The following MYO7A variants were observed in gnomAD, a reference collection of about 807,000 sequenced individuals.
The protein encoded by MYO7A is unconventional myosin-VIIa.
Under a neutral mutation model 263.8 loss-of-function variants are expected in MYO7A, and 210 were observed. The ratio of observed to expected loss-of-function variants is 0.80; its 90% CI spans 0.71 to 0.89. The LOEUF (loss-of-function observed/expected upper bound fraction) is 0.89, where lower values mean the gene tolerates loss of function less well. Ranked by LOEUF, MYO7A falls within the 40% of genes least tolerant of loss-of-function variation. MYO7A has a pLI of 0.00. For synonymous variants in MYO7A, 1,239 were observed against 1,197.3 expected (o/e 1.03, Z -0.72); for missense variants, 2,820 against 2,968.3 (o/e 0.95, Z 1.16).
intron 4 of MYO7A, among the ~76,000 whole-genome samples, chr11:77,155,431 A>G (rs1244092324): frequency 6.6e-6 from 1 of 151,924 alleles, no homozygotes; most frequent in Non-Finnish European, 1.5e-5. Context: ...TCAGCTCTTT[A>G]TGGCTAATTT....
rs1955520857 is a variant in MYO7A at position 77,184,595 on chromosome 11, A to C, written c.3383A>C (p.Lys1128Thr). Residue 1128 changes from lysine to threonine, a missense_variant, in exon 27 of 49, where the codon AAG (lysine) becomes ACG (threonine). Coordinates refer to ENST00000409709, the MANE Select transcript of MYO7A (RefSeq NM_000260.4). ...CCTCTCCCTCTGGCCCAGGTGACCA[A>C]GAGGCTGCATGACGGGGAGTCCACA... is the stretch of plus-strand genomic sequence containing the variant. Reference protein sequence around the residue: ...KKSKLTEEVTKRLHDGESTVQ... With the variant: ...KKSKLTEEVTTRLHDGESTVQ... The C allele has an allele frequency of 1.3e-6, 2 of 1,563,850 alleles. No individual in the cohort carries two copies. The highest frequency in any genetic ancestry group is 1.7e-6 in the Non-Finnish European group (2 of 1,153,854).
chr11:77,181,610 G>T lies in MYO7A; in HGVS notation c.2904+21G>T, dbSNP rs782576323. 4.7e-5 allele frequency: 75 copies of T among 1,606,298 alleles called. 1 individual carries two copies. In the East Asian group the frequency reaches 1.7e-3, roughly 35 times the overall value. On this transcript the variant is annotated intron_variant, in intron 23 of 48. Coordinates refer to ENST00000409709, the MANE Select transcript of MYO7A (RefSeq NM_000260.4). ...TTGAGGTACCAGGCTAGGGACAGGG[G>T]CTCCAGAGGCCCACACACACCGCTT...
At chr11:77,184,307 G>A (rs1955498629) in intron 26 of MYO7A, among the ~76,000 whole-genome samples, 1 of 152,170 alleles carries the variant, frequency 6.6e-6, no homozygotes, top group African/African-American at 2.4e-5. Context: ...GACCTCCCTG[G>A]GGTGGGGTGT....
intron 35 of MYO7A, among the ~76,000 whole-genome samples, chr11:77,200,023 C>A (rs1383828533): frequency 6.6e-6 from 1 of 152,150 alleles, no homozygotes; most frequent in East Asian, 1.9e-4. Flanking sequence ...AATCCCAGAG[C>A]TTTGGGAGGC....
intron 12 of MYO7A, 45 bp downstream of exon 12, chr11:77,161,160 G>A (rs782045158): frequency 1.9e-6 from 3 of 1,609,262 alleles, no homozygotes; most frequent in Non-Finnish European, 2.6e-6. Flanking sequence ...TCCCCAATAT[G>A]GAAATAAGAA....
chr11:77,212,755 G>A (rs1957963536), intron 46 of MYO7A, 197 bp from the exon 47 acceptor site: 1 of 608,810 alleles, frequency 1.6e-6, no homozygotes, highest in African/African-American at 1.8e-5. Context: ...GATGGCCTGG[G>A]GGACCCAGGA....
intron 41 of MYO7A, 66 bp from the exon 42 acceptor site, chr11:77,207,223 G>C: frequency 8.5e-7 from 1 of 1,178,768 alleles, no homozygotes. Context: ...CATAGCCAGA[G>C]GGGCCCGGGA....
intron 18 of MYO7A, 23 bp from the exon 19 acceptor site, chr11:77,177,526 T>A (rs782475347): frequency 8.2e-6 from 13 of 1,592,312 alleles, no homozygotes; most frequent in East Asian, 2.3e-5. Flanking sequence ...TGTGGGGCGC[T>A]GCTCAGGAGC....
chr11:77,183,155 G>C lies in MYO7A; in HGVS notation c.3373G>C (p.Glu1125Gln). 1 of 1,551,712 alleles carries C rather than the reference G, an allele frequency of 6.4e-7. No homozygotes were observed. The highest frequency in any genetic ancestry group is 8.7e-7 in the Non-Finnish European group (1 of 1,147,390). Residue 1125 changes from glutamate (E) to glutamine (Q), a missense_variant and splice_region_variant, in exon 26 of 49, where the codon GAG (glutamate) becomes CAG (glutamine). Coordinates refer to ENST00000409709, the MANE Select transcript of MYO7A (RefSeq NM_000260.4). Reference sequence around the variant, plus strand: ...GAAAAAGAAGTCCAAGCTCACAGAGGAGGTGAGGGCAGACGCTGGGGGTCT... The same window carrying C: ...GAAAAAGAAGTCCAAGCTCACAGAGCAGGTGAGGGCAGACGCTGGGGGTCT... Reference protein sequence around the residue: ...TLKKKSKLTEEVTKRLHDGES... With the variant: ...TLKKKSKLTEQVTKRLHDGES...
chr11:77,210,504 T>A (rs1295267999), intron 44 of MYO7A, among the ~76,000 whole-genome samples: 4 of 152,166 alleles, frequency 2.6e-5, no homozygotes, highest in African/African-American at 9.7e-5. Context: ...GTAGGATGGA[T>A]AATGATTGAC....
At chr11:77,154,074 C>G (rs1952216916) in intron 4 of MYO7A, among the ~76,000 whole-genome samples, 1 of 152,182 alleles carries the variant, frequency 6.6e-6, no homozygotes, top group African/African-American at 2.4e-5. Context: ...GAGATTGAGC[C>G]ACTGCACCCA....
intron 4 of MYO7A, among the ~76,000 whole-genome samples, chr11:77,149,258 G>T (rs1350802960): frequency 6.6e-6 from 1 of 152,162 alleles, no homozygotes; most frequent in Non-Finnish European, 1.5e-5. Context: ...GGGCTGGCCT[G>T]ATTATCTCGA....
At chr11:77,199,177 A>C (rs977666098) in intron 34 of MYO7A, among the ~76,000 whole-genome samples, 9 of 152,164 alleles carry the variant, frequency 5.9e-5, no homozygotes, top group Non-Finnish European at 1.3e-4. Flanking sequence ...TCCAGCACTG[A>C]CCAGACACAT....
intron 1 of MYO7A, 42 bp from the exon 2 acceptor site, chr11:77,130,547 G>C (rs1455087172): frequency 2.6e-6 from 4 of 1,519,594 alleles, no homozygotes; most frequent in Non-Finnish European, 3.6e-6. Context: ...GGCTTCCAGG[G>C]CTGGCCTGCC....
chr11:77,195,734 G>T (rs1215145223), intron 32 of MYO7A, among the ~76,000 whole-genome samples: 1 of 152,224 alleles, frequency 6.6e-6, no homozygotes, highest in African/African-American at 2.4e-5. Flanking sequence ...GCCCCACATA[G>T]AATGGACAGT....
chr11:77,157,079 G>A (rs989918313), intron 7 of MYO7A, 75 bp downstream of exon 7: 31 of 1,556,974 alleles, frequency 2.0e-5, no homozygotes, highest in African/African-American at 1.8e-4. Context: ...CCACCTGCCC[G>A]TATTGCTGCC....
intron 12 of MYO7A, 87 bp from the exon 13 acceptor site, chr11:77,162,033 C>T: frequency 1.6e-6 from 2 of 1,236,716 alleles, no homozygotes; most frequent in Non-Finnish European, 1.1e-6. Flanking sequence ...TTGCTAATGG[C>T]CATGCTGCAG....
chr11:77,184,095 G>C (rs1423851807), intron 26 of MYO7A, among the ~76,000 whole-genome samples: 2 of 152,168 alleles, frequency 1.3e-5, no homozygotes, highest in African/African-American at 4.8e-5. Flanking sequence ...GGCTGTGTGG[G>C]ATGAGAGAGG....
At position 77,204,229 on chromosome 11, in the gene MYO7A, G is replaced by A. The variant is rs779773504; in HGVS notation, c.5480G>A (p.Arg1827Lys). The A allele has an allele frequency of 3.2e-6, 5 of 1,569,230 alleles. No individual in the cohort carries two copies. The highest frequency in any genetic ancestry group is 4.3e-6 in the Non-Finnish European group (5 of 1,157,530). The change falls in exon 39 of 49, where the codon AGG (arginine) becomes AAG (lysine). Residue 1827 changes from arginine (R) to lysine (K), a missense_variant and splice_region_variant. Coordinates refer to ENST00000409709, the MANE Select transcript of MYO7A (RefSeq NM_000260.4). ...ILKQLTDNHIRYSEERGWELL... is the reference protein window; with the variant it reads ...ILKQLTDNHIKYSEERGWELL... ...AAGCAGCTGACCGACAACCACATCAGGTGAGCCAGGCACAGTGGGCGGATG... is the reference window on the plus strand; with the variant it reads ...AAGCAGCTGACCGACAACCACATCAAGTGAGCCAGGCACAGTGGGCGGATG...
Sources: gnomAD v4.1 joint callset for allele counts (sites outside exome capture counted in the v4.1 genomes callset) on GRCh38, gnomAD v4.1.1 for gene constraint, MANE v1.5 for transcripts, NCBI Gene and HGNC (gene_info 2026-07-23, HGNC 2026-07-21) for gene names.